RHEB: variants seen among roughly 807,000 people sequenced by gnomAD.
RHEB encodes Ras homolog, mTORC1 binding.
In RHEB, 2 loss-of-function variants were observed where a neutral mutation model predicts 28.8. That is an observed-to-expected ratio of 0.07 (90% CI 0.03 to 0.22). RHEB has a LOEUF of 0.22. Ranked by LOEUF, RHEB falls within the 10% of genes least tolerant of loss-of-function variation. RHEB has a pLI of 1.00. For synonymous variants in RHEB, 69 were observed against 77.3 expected (o/e 0.89, Z 0.56); for missense variants, 76 against 219.9 (o/e 0.35, Z 4.14).
rs183878814 is a variant in RHEB, at chr7:151,477,286, T to G, written c.275+47A>C. 1.4e-4 allele frequency: 149 copies of G among 1,058,834 alleles called. No individual in the cohort carries two copies. The African/African-American group carries it at 2.0e-3, about 14-fold the overall frequency. The allele number at this position is 1,058,834 out of a possible 1,614,324, so 65.6% of individuals were successfully genotyped here. A position where few individuals can be genotyped will look rare whatever the true frequency, so the allele number is the denominator to read the frequency against. ...GCACAGTCCCTTAAAAGGATCAATG[T>G]TATCTATGAGTAGCAAATCAACTCA... is the stretch of plus-strand genomic sequence containing the variant. On this transcript the variant is annotated intron_variant, in intron 4 of 7. Coordinates refer to ENST00000262187, the MANE Select transcript of RHEB (RefSeq NM_005614.4).
At chr7:151,500,060 C>T (rs1017229667) in intron 1 of RHEB, among the ~76,000 whole-genome samples, 4 of 152,172 alleles carry the variant, frequency 2.6e-5, no homozygotes, top group African/African-American at 9.7e-5. Context: ...TTCTGTCCTC[C>T]CAAAGTGCTG....
At chr7:151,506,161 G>T (rs1200481771) in intron 1 of RHEB, among the ~76,000 whole-genome samples, 2 of 150,616 alleles carry the variant, frequency 1.3e-5, no homozygotes, top group East Asian at 2.0e-4. Flanking sequence ...AGGAAAAAAA[G>T]ATTTTTTTTA....
rs1803061766 is a variant in RHEB, at chr7:151,515,462, A to G, written c.52+3998T>C. Among the ~76,000 whole-genome samples, 5 of 152,224 alleles carry G rather than the reference A, an allele frequency of 3.3e-5. No homozygotes were observed. In the South Asian group the frequency reaches 8.3e-4, roughly 25 times the overall value. On this transcript the variant is annotated intron_variant, in intron 1 of 7. Coordinates refer to ENST00000262187, the MANE Select transcript of RHEB (RefSeq NM_005614.4). The stretch of plus-strand genomic sequence containing the variant: ...TGGCACTGGAAAGCCATAATCAGAA[A>G]TCTGAATTCTGATTATGCTCTTGTG...
At chr7:151,511,407 C>T (rs953148403) in intron 1 of RHEB, among the ~76,000 whole-genome samples, 11 of 152,290 alleles carry the variant, frequency 7.2e-5, no homozygotes, top group Admixed American at 1.3e-4. Context: ...ACAGATAAGA[C>T]GCAAACCAAG....
At chr7:151,492,181 G>A (rs1212369879) in intron 1 of RHEB, among the ~76,000 whole-genome samples, 2 of 152,176 alleles carry the variant, frequency 1.3e-5, no homozygotes, top group South Asian at 2.1e-4. Flanking sequence ...GTGAAGGAGA[G>A]GCATGGTAAC....
chr7:151,492,445 C>G (rs565956057), intron 1 of RHEB, among the ~76,000 whole-genome samples: 4 of 151,962 alleles, frequency 2.6e-5, no homozygotes, highest in Admixed American at 2.6e-4. Context: ...TTGGTCCTGT[C>G]TCTACTAAAA....
chr7:151,478,767 C>G (rs1357205230), intron 3 of RHEB, among the ~76,000 whole-genome samples: 2 of 152,172 alleles, frequency 1.3e-5, no homozygotes, highest in South Asian at 2.1e-4. Context: ...TCCTGAGTAG[C>G]TGGGACTACA....
chr7:151,467,631 C>G (rs1171083172), intron 7 of RHEB, among the ~76,000 whole-genome samples: 2 of 152,170 alleles, frequency 1.3e-5, no homozygotes, highest in African/African-American at 4.8e-5. Flanking sequence ...ATCCTTGACA[C>G]TAAGAGGCCT....
chr7:151,473,892 G>A (rs1461585180), intron 4 of RHEB, among the ~76,000 whole-genome samples: 2 of 152,166 alleles, frequency 1.3e-5, no homozygotes, highest in African/African-American at 4.8e-5. Context: ...TCCTTAATAA[G>A]GTGTGCCAAA....
chr7:151,486,451 CAT>C (rs756070532), intron 2 of RHEB, among the ~76,000 whole-genome samples: 5 of 152,166 alleles, frequency 3.3e-5, no homozygotes, highest in Non-Finnish European at 5.9e-5. Flanking sequence ...TAGACACACA[CAT>C]GTACCCTCCC....
chr7:151,470,560 G>A lies in RHEB; in HGVS notation c.462+11C>T, dbSNP rs554250736. The A allele has an allele frequency of 8.1e-5, 129 of 1,590,364 alleles. 1 individual carries two copies. The South Asian group carries it at 1.4e-3, about 17-fold the overall frequency. On this transcript the variant is annotated intron_variant, in intron 7 of 7. Transcript: ENST00000262187. ...AACGCAATGCAAAATGAGGTTTATAGAATCTGTTACCTGATTTTCTTTAGC... is the reference window on the plus strand; with the variant it reads ...AACGCAATGCAAAATGAGGTTTATAAAATCTGTTACCTGATTTTCTTTAGC...
At chr7:151,507,156 C>G (rs79678712) in intron 1 of RHEB, among the ~76,000 whole-genome samples, 5,181 of 152,240 alleles carry the variant, frequency 0.034, 265 homozygotes, top group African/African-American at 0.12. Flanking sequence ...ACTCACCTGG[C>G]TTATAAATGG....
At chr7:151,515,743 T>C (rs779830853) in intron 1 of RHEB, among the ~76,000 whole-genome samples, 1 of 152,332 alleles carries the variant, frequency 6.6e-6, no homozygotes, top group Non-Finnish European at 1.5e-5. Context: ...ACCAAATATT[T>C]AATGACATCT....
chr7:151,487,879 AC>A (rs776306570), intron 2 of RHEB, among the ~76,000 whole-genome samples: 2 of 152,216 alleles, frequency 1.3e-5, no homozygotes, highest in Non-Finnish European at 2.9e-5. Flanking sequence ...AATGCTACTA[AC>A]CACGGTCATA....
chr7:151,497,682 C>A (rs1469754330), intron 1 of RHEB, among the ~76,000 whole-genome samples: 1 of 152,186 alleles, frequency 6.6e-6, no homozygotes, highest in Non-Finnish European at 1.5e-5. Context: ...AACACAGTGA[C>A]TGGAGCTCCT....
intron 4 of RHEB, chr7:151,471,926 T>G: frequency 3.4e-6 from 1 of 289,882 alleles, no homozygotes; most frequent in Non-Finnish European, 6.4e-6. Context: ...CTGTTTACAT[T>G]ACAACTTGAA....
chr7:151,471,891 C>T (rs1310558096), intron 4 of RHEB: 6 of 369,492 alleles, frequency 1.6e-5, no homozygotes, highest in African/African-American at 6.3e-5. Flanking sequence ...ATTTTAATCA[C>T]CCAACTCATT....
At chr7:151,493,157 A>C (rs1802614884) in intron 1 of RHEB, among the ~76,000 whole-genome samples, 1 of 152,032 alleles carries the variant, frequency 6.6e-6, no homozygotes. Flanking sequence ...CCCAGCTTCT[A>C]ACCGTGGCCC....
At chr7:151,477,453 A>G (rs377410169) in intron 3 of RHEB, 38 bp from the exon 4 acceptor site, 33 of 1,199,574 alleles carry the variant, frequency 2.8e-5, no homozygotes, top group Non-Finnish European at 3.9e-5. Context: ...TAGTCTTCAT[A>G]TAGCATCACA....
Sources: allele counts gnomAD v4.1 joint callset (sites outside exome capture counted in the v4.1 genomes callset), GRCh38; gene constraint gnomAD v4.1.1; transcripts MANE v1.5; gene names NCBI Gene and HGNC (gene_info 2026-07-23, HGNC 2026-07-21).